CAPRIN1: variants seen among roughly 807,000 people sequenced by gnomAD.
CAPRIN1 encodes caprin-1.
A neutral mutation model predicts 100.9 loss-of-function variants in CAPRIN1; 29 were observed. The ratio of observed to expected loss-of-function variants is 0.29; its 90% CI spans 0.21 to 0.39. The LOEUF (loss-of-function observed/expected upper bound fraction) is 0.39, where lower values mean the gene tolerates loss of function less well. Ranked by LOEUF, CAPRIN1 falls within the 10% of genes least tolerant of loss-of-function variation. The pLI, the probability that CAPRIN1 is intolerant of heterozygous loss-of-function variation, is 1.00. For missense variants in CAPRIN1, 795 were observed against 876.7 expected, an observed-to-expected ratio of 0.91 and a Z score of 1.18; for synonymous variants, 338 against 307.5, an observed-to-expected ratio of 1.10 and a Z score of -1.04.
intron 15 of CAPRIN1, among the ~76,000 whole-genome samples, chr11:34,094,481 C>T (rs1851326718): frequency 6.6e-6 from 1 of 152,106 alleles, no homozygotes; most frequent in South Asian, 2.1e-4. Flanking sequence ...CAAGTTTATA[C>T]TTTACCAAAA....
At chr11:34,068,017 G>A (rs550760760) in intron 2 of CAPRIN1, among the ~76,000 whole-genome samples, 3 of 152,268 alleles carry the variant, frequency 2.0e-5, no homozygotes, top group African/African-American at 7.2e-5. Context: ...CAAAGATTCT[G>A]CCTGTCAGGG....
intron 6 of CAPRIN1, among the ~76,000 whole-genome samples, chr11:34,077,633 G>A (rs1440874829): frequency 6.6e-6 from 1 of 152,048 alleles, no homozygotes; most frequent in Non-Finnish European, 1.5e-5. Context: ...TAGGAAGGTA[G>A]ATTTTTGAAC....
chr11:34,091,706 T>C, intron 14 of CAPRIN1, 200 bp from the exon 15 acceptor site: 1 of 477,060 alleles, frequency 2.1e-6, no homozygotes. Flanking sequence ...TATACTCCCC[T>C]TTAAGTACTA....
intron 7 of CAPRIN1, among the ~76,000 whole-genome samples, chr11:34,080,219 G>A (rs1323598044): frequency 2.6e-5 from 4 of 152,106 alleles, no homozygotes; most frequent in East Asian, 3.8e-4. Context: ...CACTGCGCCC[G>A]GCCTTGACAA....
intron 12 of CAPRIN1, among the ~76,000 whole-genome samples, chr11:34,089,772 G>A (rs1252235776): frequency 6.6e-6 from 1 of 151,824 alleles, no homozygotes; most frequent in Non-Finnish European, 1.5e-5. Flanking sequence ...TTTATGTTTA[G>A]GTTCATTTTT....
Position 34,085,094 on chromosome 11 carries a change from C to T in CAPRIN1, c.967-970C>T, listed in dbSNP as rs1437133001. On this transcript the variant is annotated intron_variant, in intron 9 of 18. Coordinates refer to ENST00000341394, the MANE Select transcript of CAPRIN1 (RefSeq NM_005898.5). ...TTTATAAAGGGAATAGCTGATTTTG[C>T]CTAGTTTCAACCAGTATGACTTGTC... Among the ~76,000 whole-genome samples the T allele has an allele frequency of 3.3e-5, 5 of 152,006 alleles. No homozygotes were observed. The East Asian group carries it at 9.6e-4, about 29-fold the overall frequency.
chr11:34,075,022 AC>A (rs1254744150), intron 4 of CAPRIN1, among the ~76,000 whole-genome samples: 2 of 151,646 alleles, frequency 1.3e-5, no homozygotes, highest in Non-Finnish European at 2.9e-5. Flanking sequence ...GCCTCAAAAA[AC>A]TTTTTTTAAA....
At chr11:34,071,471 A>G (rs1435263421) in intron 2 of CAPRIN1, among the ~76,000 whole-genome samples, 3 of 152,180 alleles carry the variant, frequency 2.0e-5, no homozygotes, top group Non-Finnish European at 4.4e-5. Flanking sequence ...GGGCTGATGC[A>G]GTAGAATAGC....
At chr11:34,061,200 CTTTTTTTTTTT>C (rs770158492) in intron 2 of CAPRIN1, among the ~76,000 whole-genome samples, 1 of 102,830 alleles carries the variant, frequency 9.7e-6, no homozygotes, top group Admixed American at 1.0e-4. Flanking sequence ...AGGTAACATC[CTTTTTTTTTTT>C]TTTTTTTTTT....
At chr11:34,071,638 T>C in intron 2 of CAPRIN1, 88 bp from the exon 3 acceptor site, 1 of 879,802 alleles carries the variant, frequency 1.1e-6, no homozygotes, top group Non-Finnish European at 1.8e-6. Flanking sequence ...GAGACAAACT[T>C]AGAGGATTGT....
chr11:34,085,964 AGTATAGATGGTTTAT>A (rs1182311534), intron 9 of CAPRIN1, 85 bp from the exon 10 acceptor site: 1 of 874,124 alleles, frequency 1.1e-6, no homozygotes, highest in African/African-American at 1.7e-5. Context: ...TTCTGTTTAT[AGTATAGATGGTTTAT>A]GTAGTGTGGG....
In CAPRIN1 at chr11:34,057,096, A is replaced by G. The variant is rs539246167; in HGVS notation, c.216+4460A>G. Among the ~76,000 whole-genome samples, 17 of 152,320 alleles carry G rather than the reference A, an allele frequency of 1.1e-4. No individual in the cohort carries two copies. In the South Asian group the frequency reaches 3.3e-3, roughly 30 times the overall value. On this transcript the variant is annotated intron_variant, in intron 2 of 18. Transcript: ENST00000341394. ...ATGTGTTCAGTGTTTTAAAATAAAA[A>G]CATTCTTAACTATTTTATAAGTAAA...
chr11:34,093,818 A>G (rs1395854270), intron 15 of CAPRIN1, among the ~76,000 whole-genome samples: 1 of 124,098 alleles, frequency 8.1e-6, no homozygotes, highest in African/African-American at 3.3e-5. Context: ...TTTTTAGTAG[A>G]GAGAGGGTTT....
chr11:34,052,802 T>G, intron 2 of CAPRIN1, 166 bp downstream of exon 2: 1 of 1,449,380 alleles, frequency 6.9e-7, no homozygotes, highest in East Asian at 2.5e-5. Context: ...AGCGGGAGCT[T>G]CGTGCCCAGA....
Position 34,099,313 on chromosome 11 carries a change from G to GCC in CAPRIN1, c.2080_2081dup (p.Arg695GlnfsTer10). On this transcript the variant is annotated frameshift_variant, in exon 19 of 19. Transcript: ENST00000341394. LOFTEE classifies it high-confidence loss of function. Reference sequence around the variant, plus strand: ...ATTTTTGTCTTCTAGGTCGTGGAGGGCCCCCAAGACCCAACAGAGGGATGC... The same window carrying GCC: ...ATTTTTGTCTTCTAGGTCGTGGAGGGCCCCCCCAAGACCCAACAGAGGGATGC... The GCC allele has an allele frequency of 6.2e-7, 1 of 1,613,472 alleles. No individual in the cohort carries two copies. The highest frequency in any genetic ancestry group is 2.2e-5 in the East Asian group (1 of 44,878).
chr11:34,071,158 G>A (rs1188238447), intron 2 of CAPRIN1, among the ~76,000 whole-genome samples: 1 of 152,330 alleles, frequency 6.6e-6, no homozygotes, highest in East Asian at 1.9e-4. Flanking sequence ...CATATGCCTA[G>A]TCCATCTAAT....
rs1851449385 is a variant in CAPRIN1 at position 34,101,226 on chromosome 11, T to A, written c.*1859T>A. 6.6e-6 allele frequency: 1 copy of A among 152,246 alleles called. No individual in the cohort carries two copies. Among genetic ancestry groups the A allele is most frequent in the African/African-American group, 2.4e-5 (1 of 41,458 alleles). 9.4% of individuals were successfully genotyped at this position (152,246 alleles called of 1,614,324 possible). A position where few individuals can be genotyped will look rare whatever the true frequency, so the allele number is the denominator to read the frequency against. On this transcript the variant is annotated 3_prime_UTR_variant, in exon 19 of 19. Coordinates refer to ENST00000341394, the MANE Select transcript of CAPRIN1 (RefSeq NM_005898.5). ...TTACTTTGGCAAATGAGTATTTTTTTGCTAGCACCTCCCCTTGCGTGCTTT... is the reference window on the plus strand; with the variant it reads ...TTACTTTGGCAAATGAGTATTTTTTAGCTAGCACCTCCCCTTGCGTGCTTT...
chr11:34,075,950 C>T (rs1850898865), intron 4 of CAPRIN1, among the ~76,000 whole-genome samples: 1 of 152,108 alleles, frequency 6.6e-6, no homozygotes, highest in African/African-American at 2.4e-5. Context: ...TTCCTTGCTC[C>T]CTTTGCCCTC....
At chr11:34,073,846 T>C (rs1163135371) in intron 4 of CAPRIN1, among the ~76,000 whole-genome samples, 1 of 152,194 alleles carries the variant, frequency 6.6e-6, no homozygotes, top group African/African-American at 2.4e-5. Context: ...GTTACTATAA[T>C]GGAATGCCTG....
Sources: gnomAD v4.1 joint callset for allele counts (sites outside exome capture counted in the v4.1 genomes callset) on GRCh38, gnomAD v4.1.1 for gene constraint, MANE v1.5 for transcripts, NCBI Gene and HGNC (gene_info 2026-07-23, HGNC 2026-07-21) for gene names.